NBEA: variants seen among roughly 807,000 people sequenced by gnomAD.
NBEA encodes the protein lysosomal-trafficking regulator 2.
In NBEA, 44 loss-of-function variants were observed where a neutral mutation model predicts 343.4. The ratio of observed to expected loss-of-function variants is 0.13; its 90% CI spans 0.10 to 0.16. The LOEUF is 0.16. NBEA is among the 10% of genes least tolerant of loss of function. NBEA has a pLI of 1.00. For missense variants in NBEA, 2,555 were observed against 3,631.3 expected (o/e 0.70, Z 7.62); for synonymous variants, 1,175 against 1,238.7 (o/e 0.95, Z 1.08).
intron 48 of NBEA, among the ~76,000 whole-genome samples, chr13:35,623,392 ATTC>A (rs1194008483): frequency 1.3e-5 from 2 of 152,138 alleles, no homozygotes; most frequent in African/African-American, 4.8e-5. Flanking sequence ...ATTCTTAGAT[ATTC>A]ATTTAATTTT....
chr13:35,155,649 A>C (rs2152707855), intron 18 of NBEA, 125 bp from the exon 19 acceptor site: 1 of 688,134 alleles, frequency 1.5e-6, no homozygotes, highest in South Asian at 1.9e-5. Flanking sequence ...AAGTCCCTTT[A>C]GAAGAGATGT....
intron 41 of NBEA, among the ~76,000 whole-genome samples, chr13:35,545,072 GA>G (rs1393275762): frequency 2.0e-5 from 3 of 152,130 alleles, no homozygotes; most frequent in Admixed American, 2.0e-4. Flanking sequence ...CAAACTGAAA[GA>G]ATTATTATAG....
At chr13:34,978,572 T>C (rs1243076288) in intron 1 of NBEA, among the ~76,000 whole-genome samples, 1 of 152,162 alleles carries the variant, frequency 6.6e-6, no homozygotes, top group Non-Finnish European at 1.5e-5. Flanking sequence ...ACCTAGAACA[T>C]TATAGTCATC....
In NBEA at chr13:35,157,207, A is replaced by G. The variant is rs374976444; in HGVS notation, c.2781A>G (p.Ala927=). Residue 927 remains alanine (A), a synonymous_variant, in exon 21 of 59, where the codon GCA becomes GCG. Transcript: ENST00000379939. The stretch of plus-strand genomic sequence containing the variant: ...TCTTCCGGATTCTTTTGTATCATGC[A>G]ATAAAATATGAATGGGGAGGCTGGA... The part of the protein sequence containing the change: ...YNIFRILLYH[A]IKYEWGGWRV... 2.0e-5 allele frequency: 32 copies of G among 1,609,386 alleles called. No homozygotes were observed. Among genetic ancestry groups the G allele is most frequent in the Non-Finnish European group, 2.6e-5 (31 of 1,177,656 alleles).
chr13:35,268,690 G>A (rs1247662535), intron 34 of NBEA, among the ~76,000 whole-genome samples: 1 of 151,934 alleles, frequency 6.6e-6, no homozygotes, highest in Non-Finnish European at 1.5e-5. Flanking sequence ...TTATCATTTT[G>A]TATATTCATT....
At chr13:35,294,431 A>G (rs2035985417) in intron 35 of NBEA, among the ~76,000 whole-genome samples, 1 of 152,148 alleles carries the variant, frequency 6.6e-6, no homozygotes, top group African/African-American at 2.4e-5. Context: ...AGTACTCAGT[A>G]GTGAAAGGAT....
rs890073712 is a variant in NBEA, at chr13:35,232,542, G to A, written c.5699G>A (p.Arg1900His). ...TTAGAAAAAGTTGCTCCTCTTCTTCGTGAAATTTTTGTAGACTTTGCCCCA... is the reference window on the plus strand; with the variant it reads ...TTAGAAAAAGTTGCTCCTCTTCTTCATGAAATTTTTGTAGACTTTGCCCCA... ...RALEKVAPLL[R>H]EIFVDFAPFL... The change falls in exon 34 of 59, where the codon CGT becomes CAT. Residue 1900 changes from arginine to histidine, a missense_variant. Arg to His is a conservative substitution (Grantham distance 29). Transcript: ENST00000379939. The A allele has an allele frequency of 6.4e-6, 10 of 1,551,440 alleles. No individual in the cohort carries two copies. Among genetic ancestry groups the A allele is most frequent in the African/African-American group, 4.1e-5 (3 of 73,078 alleles).
At chr13:35,346,602 A>G (rs757632269) in intron 36 of NBEA, among the ~76,000 whole-genome samples, 2 of 152,078 alleles carry the variant, frequency 1.3e-5, no homozygotes, top group Admixed American at 6.6e-5. Context: ...TGTTGTGGTT[A>G]ACTTTTAGAC....
At position 35,523,886 on chromosome 13, in the gene NBEA, A is replaced by AT. The variant is rs200813520; in HGVS notation, c.6586-26583dup. Among the ~76,000 whole-genome samples, 75 of 150,350 alleles carry AT rather than the reference A, an allele frequency of 5.0e-4. 2 individuals are homozygous for AT. In the East Asian group the frequency reaches 0.014, roughly 28 times the overall value. On this transcript the variant is annotated intron_variant, in intron 41 of 58. Coordinates refer to ENST00000379939, the MANE Select transcript of NBEA (RefSeq NM_001385012.1). Reference sequence around the variant, plus strand: ...TATTTCCCTCTGCTTTTTTCCTTTGATTTTTTTTCTGCTTTTTTAAGATTT... The same window carrying AT: ...TATTTCCCTCTGCTTTTTTCCTTTGATTTTTTTTTCTGCTTTTTTAAGATTT...
Position 35,593,461 on chromosome 13 carries a change from T to G in NBEA, c.7296+14T>G. 2.5e-6 allele frequency: 4 copies of G among 1,585,110 alleles called. No homozygotes were observed. Among genetic ancestry groups the G allele is most frequent in the Non-Finnish European group, 3.4e-6 (4 of 1,169,986 alleles). On this transcript the variant is annotated intron_variant, in intron 47 of 58. Coordinates refer to ENST00000379939, the MANE Select transcript of NBEA (RefSeq NM_001385012.1). ...TCTGATGTAAAGGTAGGCTCTTTTA[T>G]TTGTTGATATTCATTAAATTTCAAA...
At chr13:35,029,943 C>T (rs1273809553) in intron 1 of NBEA, among the ~76,000 whole-genome samples, 1 of 151,660 alleles carries the variant, frequency 6.6e-6, no homozygotes, top group Non-Finnish European at 1.5e-5. Context: ...ACTTCTCTAA[C>T]AGCGGTAGTA....
intron 13 of NBEA, among the ~76,000 whole-genome samples, chr13:35,115,427 G>A (rs922705677): frequency 5.9e-5 from 9 of 151,990 alleles, no homozygotes; most frequent in African/African-American, 2.2e-4. Flanking sequence ...TCTCATGCGT[G>A]TTCACACCTC....
chr13:35,390,922 A>G (rs1205440881), intron 38 of NBEA, among the ~76,000 whole-genome samples: 1 of 151,996 alleles, frequency 6.6e-6, no homozygotes, highest in African/African-American at 2.4e-5. Context: ...AAGAGGAGTA[A>G]TGGTTTTATT....
At chr13:35,549,880 CTTG>C (rs1224101034) in intron 41 of NBEA, among the ~76,000 whole-genome samples, 6 of 152,220 alleles carry the variant, frequency 3.9e-5, no homozygotes, top group East Asian at 1.9e-4. Context: ...TCAGCTCATA[CTTG>C]TTGTAAATAA....
At chr13:35,633,788 G>T (rs73173610) in intron 49 of NBEA, among the ~76,000 whole-genome samples, 2,269 of 152,120 alleles carry the variant, frequency 0.015, 22 homozygotes, top group Non-Finnish European at 0.022. Flanking sequence ...AAGAACTTTT[G>T]TTTTAATAAT....
At chr13:35,514,198 C>T (rs781075908) in intron 41 of NBEA, among the ~76,000 whole-genome samples, 1 of 151,786 alleles carries the variant, frequency 6.6e-6, no homozygotes, top group African/African-American at 2.4e-5. Flanking sequence ...GAGTTTATAG[C>T]GGACAAAATG....
intron 1 of NBEA, among the ~76,000 whole-genome samples, chr13:35,028,654 C>T (rs2152546772): frequency 6.6e-6 from 1 of 151,752 alleles, no homozygotes; most frequent in East Asian, 1.9e-4. Context: ...CCTTATTACT[C>T]TGCATAGAAA....
At position 34,942,921 on chromosome 13, in the gene NBEA, G is replaced by T; in HGVS notation, c.101G>T (p.Gly34Val). 1.3e-6 allele frequency: 2 copies of T among 1,529,438 alleles called. No homozygotes were observed. Among genetic ancestry groups the T allele is most frequent in the Non-Finnish European group, 1.8e-6 (2 of 1,136,990 alleles). The allele number at this position is 1,529,438 out of a possible 1,614,324, so 94.7% of individuals were successfully genotyped here. ...GGCGGAGGCGGCGGGGGCAGCGGTG[G>T]TGGCGGCACCGGGGGCAGCGGGATG... ...AAGGGGGGSG[G>V]GGTGGSGMGE... The change falls in exon 1 of 59, where the codon GGT becomes GTT. Residue 34 changes from glycine (G) to valine (V), a missense_variant. By Grantham distance (109) the Gly-to-Val change is moderately radical. Coordinates refer to ENST00000379939, the MANE Select transcript of NBEA (RefSeq NM_001385012.1).
chr13:35,664,125 ACTGGAGCAG>A (rs1346690061), intron 55 of NBEA, among the ~76,000 whole-genome samples: 5 of 152,350 alleles, frequency 3.3e-5, no homozygotes, highest in Admixed American at 3.3e-4. Flanking sequence ...TGGGCAGAGA[ACTGGAGCAG>A]CAGTCCAGCT....
Sources: allele counts gnomAD v4.1 joint callset (sites outside exome capture counted in the v4.1 genomes callset), GRCh38; gene constraint gnomAD v4.1.1; transcripts MANE v1.5; gene names NCBI Gene and HGNC (gene_info 2026-07-23, HGNC 2026-07-21).